The following ZMYM2 variants were observed in gnomAD, a reference collection of about 807,000 sequenced individuals.
ZMYM2 encodes the protein zinc finger MYM-type containing 2.
ZMYM2 carries 56 observed loss-of-function variants against 162.8 expected under a neutral mutation model. The observed-to-expected ratio is 0.34, with a 90% CI of 0.28 to 0.43. The LOEUF (loss-of-function observed/expected upper bound fraction) is 0.43, where lower values mean the gene tolerates loss of function less well. ZMYM2 is among the 20% of genes least tolerant of loss of function. ZMYM2 has a pLI of 1.00. For synonymous variants in ZMYM2, 510 were observed against 541.6 expected (o/e 0.94, Z 0.81); for missense variants, 1,275 against 1,621.8 (o/e 0.79, Z 3.67).
chr13:19,979,633 A>G (rs1416000948), intron 2 of ZMYM2, among the ~76,000 whole-genome samples: 2 of 152,154 alleles, frequency 1.3e-5, no homozygotes, highest in Non-Finnish European at 2.9e-5. Flanking sequence ...AAACCAAGGA[A>G]GTGTCTGCTC....
the ZMYM2 span, among the ~76,000 whole-genome samples, chr13:19,948,322 A>C: frequency 1.3e-5 from 2 of 152,248 alleles, no homozygotes; most frequent in African/African-American, 4.8e-5. Context: ...AGCATTATTC[A>C]TAATTGTCAA....
At chr13:20,066,100 TTGAC>T (rs1156475411) in intron 19 of ZMYM2, among the ~76,000 whole-genome samples, 2 of 152,358 alleles carry the variant, frequency 1.3e-5, no homozygotes, top group Admixed American at 6.5e-5. Flanking sequence ...GGAATATTAA[TTGAC>T]TGTTGTCAGA....
At chr13:19,924,618 A>G in the ZMYM2 span, among the ~76,000 whole-genome samples, 2 of 152,174 alleles carry the variant, frequency 1.3e-5, no homozygotes, top group African/African-American at 2.4e-5. Flanking sequence ...AGGCTGCTCT[A>G]TGTTGTAGCA....
chr13:19,892,438 A>AT, the ZMYM2 span, among the ~76,000 whole-genome samples: 160 of 147,306 alleles, frequency 1.1e-3, no homozygotes, highest in Admixed American at 3.3e-3. Flanking sequence ...CGCCCAGCTA[A>AT]TTTTTTTTTT....
intron 12 of ZMYM2, among the ~76,000 whole-genome samples, chr13:20,043,100 C>T (rs1488264131): frequency 1.3e-5 from 2 of 152,090 alleles, no homozygotes; most frequent in Non-Finnish European, 2.9e-5. Flanking sequence ...AGCCAAGTGA[C>T]TGTGTTCTGG....
At chr13:19,942,578 C>A in the ZMYM2 span, among the ~76,000 whole-genome samples, 2 of 150,468 alleles carry the variant, frequency 1.3e-5, no homozygotes, top group African/African-American at 4.9e-5. Flanking sequence ...GGCATGGTGG[C>A]ACATGACTGT....
intron 2 of ZMYM2, among the ~76,000 whole-genome samples, chr13:19,986,824 G>A (rs975808459): frequency 1.3e-5 from 2 of 151,662 alleles, no homozygotes; most frequent in Non-Finnish European, 2.9e-5. Context: ...AATCCTCAGC[G>A]GGGCACGGTG....
At chr13:19,873,373 G>A in the ZMYM2 span, among the ~76,000 whole-genome samples, 2 of 132,190 alleles carry the variant, frequency 1.5e-5, no homozygotes, top group Non-Finnish European at 3.3e-5. Context: ...TTTCCAGACA[G>A]AGTCAATTTT....
intron 3 of ZMYM2, among the ~76,000 whole-genome samples, chr13:20,000,653 A>G (rs774695501): frequency 8.5e-5 from 13 of 152,258 alleles, no homozygotes; most frequent in Non-Finnish European, 1.3e-4. Flanking sequence ...CCTTTTGTTC[A>G]GCAGAAATGA....
intron 12 of ZMYM2, among the ~76,000 whole-genome samples, chr13:20,040,611 G>A (rs1954160081): frequency 6.6e-6 from 1 of 152,054 alleles, no homozygotes; most frequent in African/African-American, 2.4e-5. Flanking sequence ...CTTCAGTTCA[G>A]CTCTAATTTT....
chr13:19,956,753 G>C (rs1954535494), upstream of ZMYM2, among the ~76,000 whole-genome samples: 1 of 152,274 alleles, frequency 6.6e-6, no homozygotes, highest in African/African-American at 2.4e-5. Context: ...GAGCTTATTT[G>C]GAAGTATTAG....
upstream of ZMYM2, among the ~76,000 whole-genome samples, chr13:19,956,651 G>T (rs1954531060): frequency 1.3e-5 from 2 of 152,178 alleles, no homozygotes; most frequent in Non-Finnish European, 1.5e-5. Flanking sequence ...TTGCTCATTA[G>T]TTATATAAAA....
At chr13:20,053,324 A>G (rs964933827) in intron 14 of ZMYM2, among the ~76,000 whole-genome samples, 5 of 152,198 alleles carry the variant, frequency 3.3e-5, no homozygotes, top group African/African-American at 7.2e-5. Context: ...CAACTTTTCA[A>G]AACCTTCCAG....
At chr13:19,917,242 A>G in the ZMYM2 span, among the ~76,000 whole-genome samples, 1,103 of 151,912 alleles carry the variant, frequency 7.3e-3, 14 homozygotes, top group African/African-American at 0.024. Flanking sequence ...GATTACAGGC[A>G]TGAGCCACCA....
intron 6 of ZMYM2, 101 bp downstream of exon 6, chr13:20,006,687 G>A (rs1950770139): frequency 8.4e-7 from 1 of 1,184,206 alleles, no homozygotes; most frequent in Non-Finnish European, 1.2e-6. Context: ...CTTTATCTTA[G>A]AATTTCATTT....
At chr13:20,010,384 C>G (rs1238352832) in intron 6 of ZMYM2, among the ~76,000 whole-genome samples, 1 of 151,738 alleles carries the variant, frequency 6.6e-6, no homozygotes, top group Admixed American at 6.6e-5. Context: ...TTTTTGGAGA[C>G]ATAGGGTTTC....
At position 20,031,402 on chromosome 13, in the gene ZMYM2, C is replaced by T. The variant is rs750535025; in HGVS notation, c.1935C>T (p.Ser645=). 1.9e-6 allele frequency: 3 copies of T among 1,606,754 alleles called. No homozygotes were observed. The Admixed American group carries it at 5.2e-5, about 28-fold the overall frequency. ...IQLKCNYCKN[S]FCSKPEILEW... is the part of the protein sequence containing the mutation. ...TGAAATGCAACTACTGCAAAAATTC[C>T]TTTTGTTCAAAACCAGAAATCCTGG... Residue 645 remains serine (S), a synonymous_variant, in exon 10 of 25, where the codon TCC becomes TCT. Transcript: ENST00000610343.
chr13:19,869,430 T>C, the ZMYM2 span, among the ~76,000 whole-genome samples: 1 of 152,202 alleles, frequency 6.6e-6, no homozygotes, highest in African/African-American at 2.4e-5. Flanking sequence ...AGGGCATGTA[T>C]GTAAATAGGT....
At position 20,067,347 on chromosome 13, in the gene ZMYM2, A is replaced by T; in HGVS notation, c.3410A>T (p.Tyr1137Phe). The T allele has an allele frequency of 6.2e-7, 1 of 1,611,490 alleles. No individual in the cohort carries two copies. Among genetic ancestry groups the T allele is most frequent in the Non-Finnish European group, 8.5e-7 (1 of 1,178,658 alleles). Residue 1137 changes from tyrosine (Y) to phenylalanine (F), a missense_variant, in exon 21 of 25, where the codon TAT (tyrosine) becomes TTT (phenylalanine). Coordinates refer to ENST00000610343, the MANE Select transcript of ZMYM2 (RefSeq NM_197968.4). ...ATCCGACGGCCAAATGGAGAGAATT[A>T]TGCACCTGACAGCATCTATTACCTT... ...NEIRRPNGEN[Y>F]APDSIYYLCL... is the part of the protein sequence containing the mutation.
Sources: gnomAD v4.1 joint callset for allele counts (sites outside exome capture counted in the v4.1 genomes callset) on GRCh38, gnomAD v4.1.1 for gene constraint, MANE v1.5 for transcripts, NCBI Gene and HGNC (gene_info 2026-07-23, HGNC 2026-07-21) for gene names.